Variants in USP16 observed in about 807,000 individuals in gnomAD.
The protein encoded by USP16 is ubiquitin specific peptidase 16, also known as ubiquitin carboxyl-terminal hydrolase 16.
USP16 carries 77 observed loss-of-function variants against 95.9 expected under a neutral mutation model. The observed-to-expected ratio is 0.80, with a 90% CI of 0.67 to 0.97. The LOEUF is 0.97. Ranked by LOEUF, USP16 falls within the 50% of genes least tolerant of loss-of-function variation. USP16 has a pLI of 0.00. For missense variants in USP16, 943 were observed against 959.9 expected (o/e 0.98, Z 0.23); for synonymous variants, 303 against 318.2 (o/e 0.95, Z 0.51).
chr21:29,050,079 G>C lies in USP16; in HGVS notation c.2107-13G>C, dbSNP rs2085391093. The C allele has an allele frequency of 6.2e-7, 1 of 1,607,508 alleles. No individual in the cohort carries two copies. Among genetic ancestry groups the C allele is most frequent in the Non-Finnish European group, 8.5e-7 (1 of 1,177,538 alleles). On this transcript the variant is annotated splice_polypyrimidine_tract_variant and intron_variant, in intron 15 of 17. Coordinates refer to ENST00000399976, the MANE Select transcript of USP16 (RefSeq NM_006447.3). Reference sequence around the variant, plus strand: ...CCAAGAAAAGAAGTCAATCTGTTATGCTTCTCTTTTAGGCTGGTTTTAACC... The same window carrying C: ...CCAAGAAAAGAAGTCAATCTGTTATCCTTCTCTTTTAGGCTGGTTTTAACC...
chr21:29,054,138 A>C lies in USP16; in HGVS notation c.2423A>C (p.Lys808Thr). The C allele has an allele frequency of 6.2e-7, 1 of 1,614,224 alleles. No individual in the cohort carries two copies. The highest frequency in any genetic ancestry group is 8.5e-7 in the Non-Finnish European group (1 of 1,180,028). The stretch of plus-strand genomic sequence containing the variant: ...CATGTGCAAGCTGTGCCTACAACTA[A>C]AGTACTAAACTCACAAGCGTACCTC... The part of the protein sequence containing the change: ...DTHVQAVPTT[K>T]VLNSQAYLLF... Residue 808 changes from lysine (K) to threonine (T), a missense_variant, in exon 18 of 18, where the codon AAA becomes ACA. Lys to Thr is a moderately conservative substitution (Grantham distance 78). Transcript: ENST00000399976.
chr21:29,049,891 G>GT (rs2085387823), intron 15 of USP16, among the ~76,000 whole-genome samples: 1 of 152,108 alleles, frequency 6.6e-6, no homozygotes, highest in African/African-American at 2.4e-5. Context: ...GTTGGTGTGT[G>GT]TTTTTTGTGT....
Position 29,046,869 on chromosome 21 carries a change from A to C in USP16, c.1559A>C (p.Lys520Thr), listed in dbSNP as rs1418423375. The part of the protein sequence containing the change: ...VNQKDLNGQA[K>T]MIESVTDNQK... ...CAGAAAGATTTGAATGGCCAAGCAAAAATGATCGAAAGTGTAACTGACAAT... is the reference window on the plus strand; with the variant it reads ...CAGAAAGATTTGAATGGCCAAGCAACAATGATCGAAAGTGTAACTGACAAT... Residue 520 changes from lysine to threonine, a missense_variant, in exon 14 of 18, where the codon AAA (lysine) becomes ACA (threonine). Physicochemically the swap from Lys to Thr is moderately conservative, Grantham distance 78. Transcript: ENST00000399976. 1.2e-6 allele frequency: 2 copies of C among 1,614,194 alleles called. No individual in the cohort carries two copies. Among genetic ancestry groups the C allele is most frequent in the Non-Finnish European group, 1.7e-6 (2 of 1,180,032 alleles).
chr21:29,039,508 G>T lies in USP16; in HGVS notation c.891G>T (p.Gln297His). Residue 297 changes from glutamine (Q) to histidine (H), a missense_variant, in exon 9 of 18, where the codon CAG becomes CAT. By Grantham distance (24) the Gln-to-His change is conservative. Transcript: ENST00000399976. ...KKAVRFKGYQ[Q>H]QDSQELLRYL... Reference sequence around the variant, plus strand: ...CAGTGCGGTTTAAAGGCTATCAGCAGCAAGACAGCCAGGAGCTGCTTCGCT... The same window carrying T: ...CAGTGCGGTTTAAAGGCTATCAGCATCAAGACAGCCAGGAGCTGCTTCGCT... The T allele has an allele frequency of 6.2e-7, 1 of 1,613,268 alleles. No individual in the cohort carries two copies. Among genetic ancestry groups the T allele is most frequent in the Non-Finnish European group, 8.5e-7 (1 of 1,179,444 alleles).
rs547344827 is a variant in USP16 at position 29,027,128 on chromosome 21, G to A, written c.-41-745G>A. Reference sequence around the variant, plus strand: ...TAAAATCTATAATTCTATATAATTAGGTAGACCTGTATGTACTTTTAGCAC... The same window carrying A: ...TAAAATCTATAATTCTATATAATTAAGTAGACCTGTATGTACTTTTAGCAC... On this transcript the variant is annotated intron_variant, in intron 1 of 17. Coordinates refer to ENST00000399976, the MANE Select transcript of USP16 (RefSeq NM_006447.3). 3.3e-5 allele frequency among the ~76,000 whole-genome samples: 5 copies of A among 152,246 alleles called. No homozygotes were observed. In the South Asian group the frequency reaches 6.2e-4, roughly 19 times the overall value.
chr21:29,039,801 A>G (rs2085217481), intron 9 of USP16, among the ~76,000 whole-genome samples: 1 of 152,200 alleles, frequency 6.6e-6, no homozygotes, highest in South Asian at 2.1e-4. Flanking sequence ...TGTTTACAGC[A>G]TTAATGTTCT....
At chr21:29,025,588 C>A (rs1201507290) in intron 1 of USP16, 2 of 183,958 alleles carry the variant, frequency 1.1e-5, no homozygotes, top group African/African-American at 2.4e-5. Context: ...ATTAACAATT[C>A]GTCTTTCAAG....
intron 9 of USP16, among the ~76,000 whole-genome samples, chr21:29,040,259 G>C (rs1601058499): frequency 6.6e-6 from 1 of 152,076 alleles, no homozygotes; most frequent in African/African-American, 2.4e-5. Flanking sequence ...ATGGAGCTGG[G>C]CTTTAAGCAC....
intron 4 of USP16, among the ~76,000 whole-genome samples, chr21:29,035,895 G>C (rs1295711644): frequency 6.6e-6 from 1 of 151,984 alleles, no homozygotes; most frequent in Non-Finnish European, 1.5e-5. Flanking sequence ...CGCAGCCTGG[G>C]CAACAGAGCG....
At chr21:29,052,720 T>C (rs1029891718) in intron 16 of USP16, 5 of 152,130 alleles carry the variant, frequency 3.3e-5, no homozygotes, top group African/African-American at 1.2e-4. Flanking sequence ...AGATGAGAGT[T>C]GAATAAATAG....
At chr21:29,032,565 A>G (rs1345695611) in intron 3 of USP16, among the ~76,000 whole-genome samples, 1 of 152,164 alleles carries the variant, frequency 6.6e-6, no homozygotes, top group Non-Finnish European at 1.5e-5. Context: ...TAATCACCCA[A>G]AGATTTATCA....
At chr21:29,052,211 C>G (rs1468337506) in intron 16 of USP16, 1 of 152,072 alleles carries the variant, frequency 6.6e-6, no homozygotes, top group African/African-American at 2.4e-5. Context: ...GTTCATGGAC[C>G]ACATTTTGAA....
At chr21:29,031,251 G>A (rs1316224067) in intron 3 of USP16, among the ~76,000 whole-genome samples, 1 of 152,102 alleles carries the variant, frequency 6.6e-6, no homozygotes, top group Non-Finnish European at 1.5e-5. Context: ...TTGATCTTTG[G>A]CAGTGAGGGC....
intron 8 of USP16, 52 bp downstream of exon 8, chr21:29,039,208 A>G: frequency 7.4e-7 from 1 of 1,358,074 alleles, no homozygotes; most frequent in Non-Finnish European, 9.5e-7. Flanking sequence ...ATGCTGAGAA[A>G]TAATATTAAT....
In USP16 at chr21:29,036,254, T is replaced by C. The variant is rs1228546788; in HGVS notation, c.345-17T>C. ...TTGTCATTTTGTCATTTTTCATCTCTGATTTTTGGGTCACAGGTGTTACGT... is the reference window on the plus strand; with the variant it reads ...TTGTCATTTTGTCATTTTTCATCTCCGATTTTTGGGTCACAGGTGTTACGT... On this transcript the variant is annotated splice_polypyrimidine_tract_variant and intron_variant, in intron 4 of 17. Transcript: ENST00000399976. 6.3e-7 allele frequency: 1 copy of C among 1,586,632 alleles called. No homozygotes were observed. The highest frequency in any genetic ancestry group is 8.6e-7 in the Non-Finnish European group (1 of 1,162,984).
intron 1 of USP16, among the ~76,000 whole-genome samples, chr21:29,027,611 A>G (rs938829415): frequency 2.0e-5 from 3 of 152,238 alleles, no homozygotes; most frequent in African/African-American, 7.2e-5. Context: ...AAGATGACCA[A>G]GGTTCTCTCC....
chr21:29,042,362 G>A (rs2146383651), intron 11 of USP16, 110 bp from the exon 12 acceptor site: 3 of 1,132,322 alleles, frequency 2.6e-6, no homozygotes, highest in Non-Finnish European at 2.5e-6. Flanking sequence ...TTAAGCCTTT[G>A]TTTATTTTAA....
rs918866254 is a variant in USP16 at position 29,039,666 on chromosome 21, T to G, written c.951+98T>G. 6.6e-6 allele frequency: 8 copies of G among 1,221,250 alleles called. No homozygotes were observed. In the African/African-American group the frequency reaches 1.1e-4, roughly 16 times the overall value. The allele number at this position is 1,221,250 out of a possible 1,614,324, so 75.7% of individuals were successfully genotyped here. On this transcript the variant is annotated intron_variant, in intron 9 of 17. Coordinates refer to ENST00000399976, the MANE Select transcript of USP16 (RefSeq NM_006447.3). ...AGTTAAAACAATGAAAGCTAGTTAT[T>G]AAGGCCATCATACTTTAAAATTTTT...
chr21:29,036,125 C>G (rs2085152688), intron 4 of USP16, 146 bp from the exon 5 acceptor site: 1 of 635,310 alleles, frequency 1.6e-6, no homozygotes, highest in Non-Finnish European at 2.7e-6. Context: ...TATGCATAGT[C>G]TTCTTCAGGA....
Sources: gnomAD v4.1 joint callset for allele counts (sites outside exome capture counted in the v4.1 genomes callset) on GRCh38, gnomAD v4.1.1 for gene constraint, MANE v1.5 for transcripts, NCBI Gene and HGNC (gene_info 2026-07-23, HGNC 2026-07-21) for gene names.